DAPK1: variants seen among roughly 807,000 people sequenced by gnomAD.
The protein encoded by DAPK1 is death-associated protein kinase 1.
Under a neutral mutation model 144.9 loss-of-function variants are expected in DAPK1, and 56 were observed. The observed-to-expected ratio is 0.39, with a 90% confidence interval of 0.31 to 0.48. DAPK1 has a LOEUF of 0.48. DAPK1 is among the 20% of genes least tolerant of loss of function. The probability of loss-of-function intolerance (pLI) is 0.95; values close to 1 mark genes in which losing one functional copy is unlikely to be tolerated. For missense variants in DAPK1, 1,454 were observed against 1,875.4 expected, an observed-to-expected ratio of 0.78 and a Z score of 4.15; for synonymous variants, 690 against 749.0, an observed-to-expected ratio of 0.92 and a Z score of 1.29.
chr9:87,585,032 T>C (rs956559158), intron 2 of DAPK1, among the ~76,000 whole-genome samples: 2 of 152,136 alleles, frequency 1.3e-5, no homozygotes, highest in African/African-American at 2.4e-5. Context: ...TAAAATCAGG[T>C]TATTTGTTTT....
intron 2 of DAPK1, among the ~76,000 whole-genome samples, chr9:87,530,424 T>G (rs1349136744): frequency 2.0e-5 from 3 of 151,618 alleles, no homozygotes; most frequent in Non-Finnish European, 4.4e-5. Context: ...GTAAGGGGAA[T>G]TTATATTAAG....
intron 10 of DAPK1, 67 bp downstream of exon 10, chr9:87,642,125 GTGCATCTCCTC>G: frequency 7.7e-7 from 1 of 1,294,530 alleles, no homozygotes; most frequent in Admixed American, 1.8e-5. Context: ...TGTGGTCAGG[GTGCATCTCCTC>G]TGATACTGGT....
Position 87,566,675 on chromosome 9 carries a change from T to TA in DAPK1, c.63-38278dup, listed in dbSNP as rs36232908. ...ACCAAACCTGGCTGATTGTGACAAA[T>TA]ACTAAATATAAAAACAAAATGAAGC... is the stretch of plus-strand genomic sequence containing the variant. On this transcript the variant is annotated intron_variant, in intron 2 of 25. Coordinates refer to ENST00000408954, the MANE Select transcript of DAPK1 (RefSeq NM_004938.4). Among the ~76,000 whole-genome samples, 1,419 of 152,200 alleles carry TA rather than the reference T, an allele frequency of 9.3e-3. 21 individuals carry two copies. The highest frequency in any genetic ancestry group is 0.033 in the African/African-American group (1,360 of 41,514).
intron 2 of DAPK1, among the ~76,000 whole-genome samples, chr9:87,522,003 CATGCG>C (rs1236829668): frequency 4.6e-5 from 7 of 152,182 alleles, no homozygotes; most frequent in African/African-American, 1.7e-4. Context: ...GCCCTCTTGC[CATGCG>C]ATGCCCTCTG....
chr9:87,640,540 A>G (rs560165231), intron 8 of DAPK1, 90 bp downstream of exon 8: 11 of 1,413,652 alleles, frequency 7.8e-6, no homozygotes, highest in Non-Finnish European at 1.1e-5. Flanking sequence ...CACGTTCCTC[A>G]GACCCTGCTT....
At chr9:87,554,135 TAAGGCATAC>T (rs1226331049) in intron 2 of DAPK1, 3 of 152,242 alleles carry the variant, frequency 2.0e-5, no homozygotes. Flanking sequence ...AATCCTGTTC[TAAGGCATAC>T]ATCACGAGCA....
intron 11 of DAPK1, 27 bp from the exon 12 acceptor site, chr9:87,645,866 CTG>C (rs1564042736): frequency 1.9e-6 from 3 of 1,611,366 alleles, no homozygotes; most frequent in Non-Finnish European, 2.5e-6. Flanking sequence ...CAATGTAACT[CTG>C]TTTCCATCTT....
chr9:87,641,125 A>T (rs1830079206), intron 9 of DAPK1, among the ~76,000 whole-genome samples: 1 of 152,216 alleles, frequency 6.6e-6, no homozygotes, highest in Admixed American at 6.5e-5. Context: ...TGTTGGCCCA[A>T]ACAGTGTATT....
chr9:87,632,869 A>C, intron 3 of DAPK1: 7 of 960,646 alleles, frequency 7.3e-6, no homozygotes, highest in Non-Finnish European at 8.6e-6. Context: ...AAAATGAAGG[A>C]AGATGAGTAT....
Position 87,702,099 on chromosome 9 carries a change from G to A in DAPK1, c.2872-930G>A, listed in dbSNP as rs36219448. Among the ~76,000 whole-genome samples the A allele has an allele frequency of 7.7e-3, 1,169 of 152,140 alleles. 21 individuals carry two copies. Among genetic ancestry groups the A allele is most frequent in the African/African-American group, 0.025 (1,054 of 41,508 alleles). ...ATCTGCTGCTTCTCAGACACCCCCCGCCCAACCCCTAAACTCCTGAGCTCA... is the reference window on the plus strand; with the variant it reads ...ATCTGCTGCTTCTCAGACACCCCCCACCCAACCCCTAAACTCCTGAGCTCA... On this transcript the variant is annotated intron_variant, in intron 24 of 25. Transcript: ENST00000408954.
intron 2 of DAPK1, among the ~76,000 whole-genome samples, chr9:87,554,646 C>T (rs957692366): frequency 2.0e-5 from 3 of 152,162 alleles, no homozygotes; most frequent in African/African-American, 4.8e-5. Flanking sequence ...GGCAGTAATG[C>T]GCTAGTTGCT....
Position 87,633,548 on chromosome 9 carries a change from A to G in DAPK1, c.285-4395A>G, listed in dbSNP as rs546088031. Among the ~76,000 whole-genome samples, 4 of 152,232 alleles carry G rather than the reference A, an allele frequency of 2.6e-5. No individual in the cohort carries two copies. In the South Asian group the frequency reaches 6.2e-4, roughly 24 times the overall value. On this transcript the variant is annotated intron_variant, in intron 3 of 25. Coordinates refer to ENST00000408954, the MANE Select transcript of DAPK1 (RefSeq NM_004938.4). ...GACTTGTGAGAAGGGTCAATGATGA[A>G]AACTAAGAGGATCAACTAGTGCTCT...
chr9:87,578,436 CA>C (rs760938633), intron 2 of DAPK1, among the ~76,000 whole-genome samples: 17 of 152,184 alleles, frequency 1.1e-4, no homozygotes, highest in Non-Finnish European at 2.2e-4. Flanking sequence ...ATGATGGGTA[CA>C]AATAGCCTTG....
At chr9:87,640,242 A>T in intron 7 of DAPK1, 56 bp from the exon 8 acceptor site, 1 of 1,541,842 alleles carries the variant, frequency 6.5e-7, no homozygotes, top group Admixed American at 1.9e-5. Flanking sequence ...TAGGAGCAAA[A>T]TGACAACACC....
intron 2 of DAPK1, among the ~76,000 whole-genome samples, chr9:87,597,212 G>A (rs925484328): frequency 6.6e-6 from 1 of 152,198 alleles, no homozygotes; most frequent in African/African-American, 2.4e-5. Context: ...AGAGACTGGA[G>A]GGTCACACTC....
intron 3 of DAPK1, among the ~76,000 whole-genome samples, chr9:87,607,721 T>C (rs975105732): frequency 6.6e-6 from 1 of 152,090 alleles, no homozygotes; most frequent in Non-Finnish European, 1.5e-5. Flanking sequence ...TCAGAACAGT[T>C]CCCATACCCC....
At chr9:87,672,657 C>G (rs1564062655) in intron 19 of DAPK1, among the ~76,000 whole-genome samples, 1 of 152,144 alleles carries the variant, frequency 6.6e-6, no homozygotes, top group Non-Finnish European at 1.5e-5. Flanking sequence ...TGACGTTAGC[C>G]CCTGATTAGC....
At chr9:87,675,454 A>AGG (rs1345392787) in intron 19 of DAPK1, among the ~76,000 whole-genome samples, 14 of 152,046 alleles carry the variant, frequency 9.2e-5, no homozygotes, top group Non-Finnish European at 1.5e-4. Context: ...ACAACAAAGA[A>AGG]GGAGGGTAAC....
intron 2 of DAPK1, among the ~76,000 whole-genome samples, chr9:87,535,660 A>G (rs1276008737): frequency 6.6e-6 from 1 of 152,198 alleles, no homozygotes; most frequent in Non-Finnish European, 1.5e-5. Context: ...TATCATAGGA[A>G]CATAATTCAA....
Sources: gnomAD v4.1 joint callset for allele counts (sites outside exome capture counted in the v4.1 genomes callset) on GRCh38, gnomAD v4.1.1 for gene constraint, MANE v1.5 for transcripts, NCBI Gene and HGNC (gene_info 2026-07-23, HGNC 2026-07-21) for gene names.